The following GPCPD1 variants were observed in gnomAD, a reference collection of about 807,000 sequenced individuals.
GPCPD1 encodes the protein glycerophosphocholine phosphodiesterase GPCPD1.
GPCPD1 carries 29 observed loss-of-function variants against 89.2 expected under a neutral mutation model. That is an observed-to-expected ratio of 0.33 (90% CI 0.24 to 0.44). The LOEUF (loss-of-function observed/expected upper bound fraction) is 0.44, where lower values mean the gene tolerates loss of function less well. Among genes scored for constraint, GPCPD1 ranks in the 20% least tolerant of loss-of-function variants. The pLI, the probability that GPCPD1 is intolerant of heterozygous loss-of-function variation, is 1.00. For missense variants in GPCPD1, 594 were observed against 808.9 expected (o/e 0.73, Z 3.22); for synonymous variants, 258 against 266.3 (o/e 0.97, Z 0.30).
chr20:5,588,535 T>C (rs978345192), intron 4 of GPCPD1, among the ~76,000 whole-genome samples: 1 of 142,434 alleles, frequency 7.0e-6, no homozygotes, highest in African/African-American at 2.6e-5. Flanking sequence ...TACATAAAAA[T>C]AGAAACAGCC....
At chr20:5,600,514 C>A (rs759566395) in intron 2 of GPCPD1, among the ~76,000 whole-genome samples, 2 of 151,834 alleles carry the variant, frequency 1.3e-5, no homozygotes, top group Middle Eastern at 3.4e-3. Context: ...CATGGTGAAA[C>A]CTCATCTCTA....
chr20:5,566,762 A>T lies in GPCPD1; in HGVS notation c.1238T>A (p.Val413Glu), dbSNP rs1476404292. The T allele has an allele frequency of 6.3e-7, 1 of 1,586,798 alleles. No individual in the cohort carries two copies. ...CCGATCCTTAGATTTCAGTGCAGTC[A>T]CATGAGTGAGCTAGAAAGCACACAA... ...DQLQLLKLTH[V>E]TALKSKDRKE... The change falls in exon 14 of 20, where the codon GTG becomes GAG. Residue 413 changes from valine (V) to glutamate (E), a missense_variant. Val to Glu is a moderately radical substitution (Grantham distance 121). Coordinates refer to ENST00000379019, the MANE Select transcript of GPCPD1 (RefSeq NM_019593.5).
In GPCPD1 at chr20:5,545,059, C is replaced by T. The variant is rs1984969020; in HGVS notation, c.*2602G>A. ...AGTAGAAAATACCAGAGGATAATGG[C>T]GGCATTTTTTCAAACATTTCACTTG... On this transcript the variant is annotated 3_prime_UTR_variant, in exon 20 of 20. Coordinates refer to ENST00000379019, the MANE Select transcript of GPCPD1 (RefSeq NM_019593.5). The T allele has an allele frequency of 7.9e-6, 1 of 127,084 alleles. No homozygotes were observed. Among genetic ancestry groups the T allele is most frequent in the African/African-American group, 3.8e-5 (1 of 26,394 alleles). The allele number at this position is 127,084 out of a possible 1,614,324, so 7.9% of individuals were successfully genotyped here.
intron 10 of GPCPD1, among the ~76,000 whole-genome samples, chr20:5,574,935 A>G (rs1458375137): frequency 6.6e-6 from 1 of 152,226 alleles, no homozygotes; most frequent in Non-Finnish European, 1.5e-5. Context: ...TTACAAAAGT[A>G]GAAGGGGAAG....
intron 7 of GPCPD1, among the ~76,000 whole-genome samples, chr20:5,578,839 G>T (rs1464861668): frequency 1.3e-5 from 2 of 151,988 alleles, no homozygotes; most frequent in Non-Finnish European, 2.9e-5. Flanking sequence ...GTATTAAAAT[G>T]GGATAAATGA....
chr20:5,546,376 C>A lies in GPCPD1; in HGVS notation c.*1285G>T, dbSNP rs747103906. The A allele has an allele frequency of 2.6e-5, 4 of 152,172 alleles. No homozygotes were observed. The highest frequency in any genetic ancestry group is 5.9e-5 in the Non-Finnish European group (4 of 68,026). 9.4% of individuals were successfully genotyped at this position (152,172 alleles called of 1,614,324 possible). A position where few individuals can be genotyped will look rare whatever the true frequency, so the allele number is the denominator to read the frequency against. On this transcript the variant is annotated 3_prime_UTR_variant, in exon 20 of 20. Coordinates refer to ENST00000379019, the MANE Select transcript of GPCPD1 (RefSeq NM_019593.5). The stretch of plus-strand genomic sequence containing the variant: ...TAAAAGGTAGATGCAAATAAGCCAT[C>A]CCTTTAGGGTAGACACTATATTAAA...
chr20:5,584,285 G>A lies in GPCPD1; in HGVS notation c.345C>T (p.Ile115=). Residue 115 remains isoleucine (I), a synonymous_variant, in exon 6 of 20, where the codon ATC becomes ATT. Transcript: ENST00000379019. ...AAGTAAGTCAGTCTCACTTACTGTGGATTCCAAATTGTCCATCGTCAATAA... is the reference window on the plus strand; with the variant it reads ...AAGTAAGTCAGTCTCACTTACTGTGAATTCCAAATTGTCCATCGTCAATAA... The part of the protein sequence containing the change: ...EIIIDDGQFG[I]HNGVETLDSG... 1 of 1,392,504 alleles carries A rather than the reference G, an allele frequency of 7.2e-7. No homozygotes were observed. 86.3% of individuals were successfully genotyped at this position (1,392,504 alleles called of 1,614,324 possible). A position where few individuals can be genotyped will look rare whatever the true frequency, so the allele number is the denominator to read the frequency against.
rs1979487413 is a variant in GPCPD1, at chr20:5,593,560, A to G, written c.147-149T>C. 1.1e-5 allele frequency: 6 copies of G among 561,410 alleles called. No individual in the cohort carries two copies. In the East Asian group the frequency reaches 1.7e-4, roughly 16 times the overall value. The allele number at this position is 561,410 out of a possible 1,614,324, so 34.8% of individuals were successfully genotyped here. A position where few individuals can be genotyped will look rare whatever the true frequency, so the allele number is the denominator to read the frequency against. The stretch of plus-strand genomic sequence containing the variant: ...AAATTTTACAGGCCTACTCTGTAGC[A>G]GGCAATGGGAACACAGGGGTATATA... On this transcript the variant is annotated intron_variant, in intron 3 of 19. Transcript: ENST00000379019.
chr20:5,554,495 G>A (rs1018087793), intron 19 of GPCPD1, among the ~76,000 whole-genome samples: 3 of 152,074 alleles, frequency 2.0e-5, no homozygotes, highest in Non-Finnish European at 4.4e-5. Context: ...TCAGAATTAC[G>A]CTAAATCTAC....
At chr20:5,603,694 T>C (rs1980338475) in intron 2 of GPCPD1, among the ~76,000 whole-genome samples, 1 of 151,682 alleles carries the variant, frequency 6.6e-6, no homozygotes, top group Admixed American at 6.6e-5. Context: ...GCTAAAAACA[T>C]ATTCACACAT....
chr20:5,588,803 C>T lies in GPCPD1; in HGVS notation c.232-2534G>A, dbSNP rs568275233. On this transcript the variant is annotated intron_variant, in intron 4 of 19. Transcript: ENST00000379019. Reference sequence around the variant, plus strand: ...TTGCGCCACTGCACTCCAGCCTGGGCGATAGAGCGAGACTATGTCTCAAAA... The same window carrying T: ...TTGCGCCACTGCACTCCAGCCTGGGTGATAGAGCGAGACTATGTCTCAAAA... Among the ~76,000 whole-genome samples the T allele has an allele frequency of 5.4e-5, 8 of 148,670 alleles. No homozygotes were observed. In the South Asian group the frequency reaches 6.4e-4, roughly 12 times the overall value.
At chr20:5,550,794 T>C (rs1309354090) in intron 19 of GPCPD1, among the ~76,000 whole-genome samples, 1 of 152,190 alleles carries the variant, frequency 6.6e-6, no homozygotes, top group Admixed American at 6.5e-5. Flanking sequence ...CTGAAAGACA[T>C]GTCCCATAAA....
intron 3 of GPCPD1, 98 bp downstream of exon 3, chr20:5,598,627 T>C: frequency 1.4e-6 from 1 of 709,258 alleles, no homozygotes; most frequent in Non-Finnish European, 2.4e-6. Context: ...TTGATAAAAA[T>C]TATAACTAAA....
At chr20:5,588,573 C>T (rs1979095024) in intron 4 of GPCPD1, among the ~76,000 whole-genome samples, 1 of 151,664 alleles carries the variant, frequency 6.6e-6, no homozygotes, top group Non-Finnish European at 1.5e-5. Flanking sequence ...GCCTGTAATC[C>T]CAGCACTTAG....
At chr20:5,561,230 A>G (rs1158460852) in intron 16 of GPCPD1, among the ~76,000 whole-genome samples, 1 of 152,260 alleles carries the variant, frequency 6.6e-6, no homozygotes, top group Admixed American at 6.5e-5. Context: ...TGTTCACACA[A>G]GACACATGTA....
chr20:5,587,584 T>TCTCGA (rs1979014018), intron 4 of GPCPD1, among the ~76,000 whole-genome samples: 1 of 152,144 alleles, frequency 6.6e-6, no homozygotes, highest in Non-Finnish European at 1.5e-5. Context: ...GCCAGGCTAG[T>TCTCGA]CTCGAACTCC....
intron 19 of GPCPD1, among the ~76,000 whole-genome samples, chr20:5,551,884 C>T (rs539991010): frequency 1.3e-3 from 199 of 152,330 alleles, no homozygotes; most frequent in Middle Eastern, 3.4e-3. Context: ...CACTCACACA[C>T]TCTCACCACA....
intron 11 of GPCPD1, among the ~76,000 whole-genome samples, chr20:5,573,190 T>C (rs1986815824): frequency 6.6e-6 from 1 of 152,140 alleles, no homozygotes; most frequent in African/African-American, 2.4e-5. Flanking sequence ...CAAGCAATTC[T>C]TGAATTGCCT....
rs545003103 is a variant in GPCPD1 at position 5,585,581 on chromosome 20, G to A, written c.307+613C>T. ...AGAGAAATGCCATATTTAAGCATAA[G>A]AAAAGTTAATGTGTTTAAAAGAAAA... On this transcript the variant is annotated intron_variant, in intron 5 of 19. Transcript: ENST00000379019. 57 of 77,452 alleles carry A rather than the reference G, an allele frequency of 7.4e-4. 1 individual carries two copies. In the South Asian group the frequency reaches 0.018, roughly 24 times the overall value. The allele number at this position is 77,452 out of a possible 1,614,324, so 4.8% of individuals were successfully genotyped here. A position where few individuals can be genotyped will look rare whatever the true frequency, so the allele number is the denominator to read the frequency against.
Sources: allele counts gnomAD v4.1 joint callset (sites outside exome capture counted in the v4.1 genomes callset), GRCh38; gene constraint gnomAD v4.1.1; transcripts MANE v1.5; gene names NCBI Gene and HGNC (gene_info 2026-07-23, HGNC 2026-07-21).